The following UCP1 variants were observed in gnomAD, a reference collection of about 807,000 sequenced individuals.
UCP1 encodes uncoupling protein 1.
Under a neutral mutation model 26.2 loss-of-function variants are expected in UCP1, and 24 were observed. That is an observed-to-expected ratio of 0.92 (90% CI 0.66 to 1.29). The LOEUF (loss-of-function observed/expected upper bound fraction) is 1.29, where lower values mean the gene tolerates loss of function less well. UCP1 is among the 50% of genes most tolerant of loss of function. UCP1 has a pLI of 0.00. For synonymous variants in UCP1, 164 were observed against 156.8 expected (o/e 1.05, Z -0.34); for missense variants, 402 against 388.7 (o/e 1.03, Z -0.29).
At chr4:140,560,534 A>C (rs903138460) in intron 5 of UCP1, among the ~76,000 whole-genome samples, 2 of 152,152 alleles carry the variant, frequency 1.3e-5, no homozygotes, top group Admixed American at 6.5e-5. Context: ...AAACTATTAG[A>C]AGGGGGAAGG....
chr4:140,568,106 AC>A (rs1735844082), intron 1 of UCP1, 129 bp from the exon 2 acceptor site: 1 of 680,770 alleles, frequency 1.5e-6, no homozygotes, highest in Non-Finnish European at 2.4e-6. Context: ...ACCTCCCTCT[AC>A]CGTGTGTGTG....
chr4:140,560,273 G>A (rs1211146607), intron 5 of UCP1, among the ~76,000 whole-genome samples: 1 of 152,060 alleles, frequency 6.6e-6, no homozygotes, highest in Non-Finnish European at 1.5e-5. Context: ...CACTCCTCAA[G>A]TGAAGATGCT....
chr4:140,559,462 A>G lies in UCP1; in HGVS notation c.*434T>C, dbSNP rs1172386302. The G allele has an allele frequency of 1.1e-5, 2 of 184,976 alleles. No individual in the cohort carries two copies. Among genetic ancestry groups the G allele is most frequent in the Non-Finnish European group, 2.2e-5 (2 of 89,674 alleles). The allele number at this position is 184,976 out of a possible 1,614,324, so 11.5% of individuals were successfully genotyped here. On this transcript the variant is annotated 3_prime_UTR_variant, in exon 6 of 6. Coordinates refer to ENST00000262999, the MANE Select transcript of UCP1 (RefSeq NM_021833.5). ...AGGTATTAGCAATACTTTATTGAAT[A>G]TATTAACTGACAACTGTGGTTAATA... is the stretch of plus-strand genomic sequence containing the variant.
In UCP1 at chr4:140,563,158, T is replaced by G. The variant is rs376167170; in HGVS notation, c.580A>C (p.Thr194Pro). Reference sequence around the variant, plus strand: ...AAGGCCTCCTTCATTAGATCATATGTTACTAGCTCTGTACAATTGATGATG... The same window carrying G: ...AAGGCCTCCTTCATTAGATCATATGGTACTAGCTCTGTACAATTGATGATG... ...SVIINCTELV[T>P]YDLMKEAFVK... The change falls in exon 4 of 6, where the codon ACA (threonine) becomes CCA (proline). Residue 194 changes from threonine to proline, a missense_variant. Transcript: ENST00000262999. 6.8e-6 allele frequency: 11 copies of G among 1,613,816 alleles called. No individual in the cohort carries two copies. In the African/African-American group the frequency reaches 1.5e-4, roughly 22 times the overall value.
chr4:140,563,188 T>A lies in UCP1; in HGVS notation c.550A>T (p.Ser184Cys). The A allele has an allele frequency of 5.0e-6, 8 of 1,613,698 alleles. No homozygotes were observed. Among genetic ancestry groups the A allele is most frequent in the Non-Finnish European group, 6.8e-6 (8 of 1,179,926 alleles). The change falls in exon 4 of 6, where the codon AGT (serine) becomes TGT (cysteine). Residue 184 changes from serine (S) to cysteine (C), a missense_variant. Ser to Cys is a moderately radical substitution (Grantham distance 112, BLOSUM62 -1). Transcript: ENST00000262999. ...WKGTTPNLMR[S>C]VIINCTELVT... is the part of the protein sequence containing the mutation. ...AGCTCTGTACAATTGATGATGACAC[T>A]TCTCATCAGATTGGGAGTAGTCCCT...
At chr4:140,562,083 A>G (rs756304508) in intron 5 of UCP1, 110 bp downstream of exon 5, 5 of 1,258,970 alleles carry the variant, frequency 4.0e-6, no homozygotes, top group Non-Finnish European at 5.8e-6. Context: ...AATACTAAGT[A>G]TATGAATATA....
At chr4:140,560,081 T>G in intron 5 of UCP1, 71 bp from the exon 6 acceptor site, 122 of 1,209,008 alleles carry the variant, frequency 1.0e-4, no homozygotes, top group Middle Eastern at 1.9e-4. Flanking sequence ...GAGATGAGGC[T>G]TCACCCTGCC....
Position 140,568,591 on chromosome 4 carries a change from T to G in UCP1, c.126+13A>C. ...GTCCTGAGACCCCTTGTCTTACCCC[T>G]CTGCCTAGCTACCTGGAGCCGGACT... On this transcript the variant is annotated intron_variant, in intron 1 of 5. Coordinates refer to ENST00000262999, the MANE Select transcript of UCP1 (RefSeq NM_021833.5). 6.2e-7 allele frequency: 1 copy of G among 1,613,660 alleles called. No individual in the cohort carries two copies. The highest frequency in any genetic ancestry group is 2.2e-5 in the East Asian group (1 of 44,820).
chr4:140,559,872 G>T lies in UCP1; in HGVS notation c.*24C>A. On this transcript the variant is annotated 3_prime_UTR_variant, in exon 6 of 6. Transcript: ENST00000262999. ...CAGTCAGCAAGATTCCCACTGGTATGTTACATCATTTTCTTGAAGCTGATT... is the reference window on the plus strand; with the variant it reads ...CAGTCAGCAAGATTCCCACTGGTATTTTACATCATTTTCTTGAAGCTGATT... 6.4e-7 allele frequency: 1 copy of T among 1,565,452 alleles called. No homozygotes were observed. Among genetic ancestry groups the T allele is most frequent in the Non-Finnish European group, 8.8e-7 (1 of 1,135,924 alleles).
intron 1 of UCP1, 69 bp downstream of exon 1, chr4:140,568,535 T>C (rs1330375018): frequency 1.2e-6 from 2 of 1,605,402 alleles, no homozygotes; most frequent in South Asian, 2.2e-5. Flanking sequence ...AAGCAGAGAA[T>C]AAATGGAATG....
intron 2 of UCP1, among the ~76,000 whole-genome samples, 193 bp downstream of exon 2, chr4:140,567,586 A>G (rs181061571): frequency 6.6e-6 from 1 of 152,378 alleles, no homozygotes; most frequent in Non-Finnish European, 1.5e-5. Flanking sequence ...ACAAGTATAT[A>G]TCTGCATCTA....
At chr4:140,561,802 T>C (rs919835395) in intron 5 of UCP1, among the ~76,000 whole-genome samples, 6 of 152,194 alleles carry the variant, frequency 3.9e-5, no homozygotes, top group Non-Finnish European at 8.8e-5. Flanking sequence ...TATCTCTAGT[T>C]TTACAATGTT....
rs201461481 is a variant in UCP1 at position 140,567,872 on chromosome 4, G to C, written c.232C>G (p.Leu78Val). The part of the protein sequence containing the change: ...TEGRMKLYSG[L>V]PAGLQRQISS... ...ATTTGCCGCTGAAGCCCCGCAGGCA[G>C]CCCGCTGTAGAGTTTCATCCGCCCT... The change falls in exon 2 of 6, where the codon CTG (leucine) becomes GTG (valine). Residue 78 changes from leucine (L) to valine (V), a missense_variant. Transcript: ENST00000262999. 4 of 1,614,156 alleles carry C rather than the reference G, an allele frequency of 2.5e-6. No homozygotes were observed. The highest frequency in any genetic ancestry group is 3.4e-6 in the Non-Finnish European group (4 of 1,180,028).
intron 5 of UCP1, 108 bp downstream of exon 5, chr4:140,562,085 A>G (rs1295280574): frequency 7.8e-6 from 10 of 1,282,148 alleles, no homozygotes; most frequent in Non-Finnish European, 1.1e-5. Flanking sequence ...TACTAAGTAT[A>G]TGAATATACT....
intron 1 of UCP1, 37 bp downstream of exon 1, chr4:140,568,567 T>A: frequency 6.2e-7 from 1 of 1,613,124 alleles, no homozygotes; most frequent in Non-Finnish European, 8.5e-7. Flanking sequence ...GTCCCCTCTG[T>A]CCTGAGACCC....
At position 140,559,926 on chromosome 4, in the gene UCP1, CT is replaced by C; in HGVS notation, c.893del (p.Lys298SerfsTer26). On this transcript the variant is annotated frameshift_variant, in exon 6 of 6. Coordinates refer to ENST00000262999, the MANE Select transcript of UCP1 (RefSeq NM_021833.5). LOFTEE classifies it high-confidence loss of function. ...CFEQLKRELS[K>X]SRQTMDCAT ...TGGCACAGTCCATAGTCTGCCTTGA[CT>C]TTGACAGTTCTCGTTTCAGTTGTTC... The C allele has an allele frequency of 6.2e-7, 1 of 1,614,068 alleles. No individual in the cohort carries two copies. The highest frequency in any genetic ancestry group is 8.5e-7 in the Non-Finnish European group (1 of 1,179,992).
In UCP1 at chr4:140,564,332, T is replaced by C. The variant is rs76031700; in HGVS notation, c.326-814A>G. ...AAGAAGACAGGAGAGAAGAAAGTGA[T>C]TTTTGTCTTAAAATTTTGAAAAAAA... On this transcript the variant is annotated intron_variant, in intron 2 of 5. Coordinates refer to ENST00000262999, the MANE Select transcript of UCP1 (RefSeq NM_021833.5). 8.0e-3 allele frequency among the ~76,000 whole-genome samples: 1,213 copies of C among 152,310 alleles called. 17 individuals are homozygous for C. Among genetic ancestry groups the C allele is most frequent in the African/African-American group, 0.027 (1,132 of 41,570 alleles).
At position 140,559,740 on chromosome 4, in the gene UCP1, C is replaced by T; in HGVS notation, c.*156G>A. 1.5e-6 allele frequency: 1 copy of T among 672,922 alleles called. No homozygotes were observed. Among genetic ancestry groups the T allele is most frequent in the African/African-American group, 1.8e-5 (1 of 54,836 alleles). 41.7% of individuals were successfully genotyped at this position (672,922 alleles called of 1,614,324 possible). A position where few individuals can be genotyped will look rare whatever the true frequency, so the allele number is the denominator to read the frequency against. ...AAAAAAAAAAGTTATATGAAATAGG[C>T]ATTAATTTTCCTCTTTTTTATATAA... On this transcript the variant is annotated 3_prime_UTR_variant, in exon 6 of 6. Coordinates refer to ENST00000262999, the MANE Select transcript of UCP1 (RefSeq NM_021833.5).
At position 140,559,689 on chromosome 4, in the gene UCP1, G is replaced by T; in HGVS notation, c.*207C>A. ...TGCCAGGGTATATGCTGAATGTTTT[G>T]CTTTCCCCTTCTTAAGACACTGAGA... On this transcript the variant is annotated 3_prime_UTR_variant, in exon 6 of 6. Transcript: ENST00000262999. 1.7e-6 allele frequency: 1 copy of T among 576,750 alleles called. No homozygotes were observed. The highest frequency in any genetic ancestry group is 3.1e-6 in the Non-Finnish European group (1 of 327,672). 35.7% of individuals were successfully genotyped at this position (576,750 alleles called of 1,614,324 possible).
Sources: allele counts gnomAD v4.1 joint callset (sites outside exome capture counted in the v4.1 genomes callset), GRCh38; gene constraint gnomAD v4.1.1; transcripts MANE v1.5; gene names NCBI Gene and HGNC (gene_info 2026-07-23, HGNC 2026-07-21).